The following PDE4D variants were observed in gnomAD, a reference collection of about 807,000 sequenced individuals.
PDE4D encodes the protein 3',5'-cyclic-AMP phosphodiesterase 4D.
PDE4D carries 24 observed loss-of-function variants against 87.4 expected under a neutral mutation model. The ratio of observed to expected loss-of-function variants is 0.27; its 90% confidence interval spans 0.20 to 0.39. The LOEUF (loss-of-function observed/expected upper bound fraction) is 0.39, where lower values mean the gene tolerates loss of function less well. PDE4D is among the 10% of genes least tolerant of loss of function. The probability of loss-of-function intolerance (pLI) is 1.00; values close to 1 mark genes in which losing one functional copy is unlikely to be tolerated. For synonymous variants in PDE4D, 384 were observed against 383.2 expected (o/e 1.00, Z -0.02); for missense variants, 714 against 1,041.0 (o/e 0.69, Z 4.32).
intron 5 of PDE4D, among the ~76,000 whole-genome samples, chr5:59,150,607 C>T (rs75150276): frequency 6.6e-6 from 1 of 152,176 alleles, no homozygotes; most frequent in East Asian, 1.9e-4. Flanking sequence ...ACATGGAAGA[C>T]TCTCAAAAAA....
At chr5:60,386,702 T>C (rs2150017406) in intron 1 of PDE4D, among the ~76,000 whole-genome samples, 1 of 152,272 alleles carries the variant, frequency 6.6e-6, no homozygotes, top group Non-Finnish European at 1.5e-5. Flanking sequence ...TGAATAATGA[T>C]TAAATTCGGA....
chr5:59,540,080 C>A (rs528241696), intron 1 of PDE4D, among the ~76,000 whole-genome samples: 88 of 152,202 alleles, frequency 5.8e-4, no homozygotes, highest in Non-Finnish European at 1.1e-3. Flanking sequence ...TGAGATGGAA[C>A]CAGATAATTT....
intron 5 of PDE4D, chr5:59,039,536 C>T (rs1164496475): frequency 1.0e-6 from 1 of 985,542 alleles, no homozygotes; most frequent in Non-Finnish European, 1.2e-6. Context: ...TTTCTCAACT[C>T]CTCGGGCGGC....
At chr5:59,377,301 C>T (rs538245706) in intron 1 of PDE4D, among the ~76,000 whole-genome samples, 71 of 152,020 alleles carry the variant, frequency 4.7e-4, no homozygotes, top group African/African-American at 1.6e-3. Context: ...CCTGTAGTCC[C>T]AGCTACTCAG....
chr5:59,313,044 C>T (rs1773005758), intron 1 of PDE4D, among the ~76,000 whole-genome samples: 1 of 152,124 alleles, frequency 6.6e-6, no homozygotes, highest in Non-Finnish European at 1.5e-5. Context: ...CCCAGTTGAA[C>T]CCCCATCCAA....
chr5:59,944,300 T>C (rs1005123615), intron 3 of PDE4D, among the ~76,000 whole-genome samples: 1 of 152,252 alleles, frequency 6.6e-6, no homozygotes, highest in Non-Finnish European at 1.5e-5. Context: ...TCTGATAAAA[T>C]TTTGCATTAG....
chr5:59,147,961 G>A (rs1431715631), intron 5 of PDE4D, among the ~76,000 whole-genome samples: 1 of 152,096 alleles, frequency 6.6e-6, no homozygotes, highest in Admixed American at 6.5e-5. Flanking sequence ...TATTAGGCCT[G>A]CCAGAATGTG....
chr5:60,517,427 G>T (rs1750850338), intron 1 of PDE4D, among the ~76,000 whole-genome samples: 1 of 152,254 alleles, frequency 6.6e-6, no homozygotes, highest in Non-Finnish European at 1.5e-5. Flanking sequence ...TAGTTCCACA[G>T]ACTGGAGTGA....
chr5:59,272,931 C>A (rs548531992), intron 1 of PDE4D, among the ~76,000 whole-genome samples: 1 of 152,134 alleles, frequency 6.6e-6, no homozygotes, highest in Admixed American at 6.6e-5. Flanking sequence ...TGGATTCTTG[C>A]ACAATACAAC....
intron 1 of PDE4D, chr5:59,356,819 C>G: frequency 6.4e-7 from 1 of 1,554,788 alleles, no homozygotes; most frequent in Non-Finnish European, 8.6e-7. Flanking sequence ...GGCACCGTGG[C>G]TCCCAGAGGA....
chr5:59,780,073 G>A (rs1229197510), intron 1 of PDE4D, among the ~76,000 whole-genome samples: 2 of 152,154 alleles, frequency 1.3e-5, no homozygotes. Context: ...ATTAAGAAGA[G>A]CGTCAGTGAG....
intron 2 of PDE4D, among the ~76,000 whole-genome samples, chr5:60,012,801 T>A (rs771394426): frequency 1.3e-5 from 2 of 152,190 alleles, no homozygotes; most frequent in Non-Finnish European, 2.9e-5. Context: ...CTGAATCCCA[T>A]GAAAATTTAA....
At chr5:60,521,164 A>G (rs1399755823) in intron 1 of PDE4D, 1 of 152,196 alleles carries the variant, frequency 6.6e-6, no homozygotes, top group Non-Finnish European at 1.5e-5. Context: ...CCTCCAACAG[A>G]AAAACCCATA....
At chr5:60,420,913 C>G (rs1743034356) in intron 1 of PDE4D, among the ~76,000 whole-genome samples, 1 of 152,248 alleles carries the variant, frequency 6.6e-6, no homozygotes, top group Non-Finnish European at 1.5e-5. Context: ...GTCCCACACC[C>G]ATGGAGACTT....
At chr5:60,474,687 C>T (rs1404500737) in intron 1 of PDE4D, among the ~76,000 whole-genome samples, 1 of 152,156 alleles carries the variant, frequency 6.6e-6, no homozygotes, top group Non-Finnish European at 1.5e-5. Flanking sequence ...ACTAAACATG[C>T]GAAGTCATTC....
intron 1 of PDE4D, among the ~76,000 whole-genome samples, chr5:59,874,055 T>G (rs1748195216): frequency 6.6e-6 from 1 of 151,902 alleles, no homozygotes; most frequent in Non-Finnish European, 1.5e-5. Flanking sequence ...ACAGAAAAAT[T>G]TTTTTTTAAA....
chr5:60,084,066 T>A (rs1474420422), intron 2 of PDE4D, among the ~76,000 whole-genome samples: 1 of 152,206 alleles, frequency 6.6e-6, no homozygotes, highest in Non-Finnish European at 1.5e-5. Context: ...TTGTGAAAAA[T>A]TCATGAAGAA....
chr5:59,294,560 C>A (rs1768687697), intron 1 of PDE4D, among the ~76,000 whole-genome samples: 2 of 152,160 alleles, frequency 1.3e-5, no homozygotes, highest in South Asian at 2.1e-4. Context: ...CTGGCCCTTA[C>A]TCCAGCCAAA....
chr5:60,044,343 C>A (rs529328847), intron 2 of PDE4D, among the ~76,000 whole-genome samples: 2 of 148,358 alleles, frequency 1.3e-5, no homozygotes, highest in African/African-American at 5.0e-5. Context: ...ATCTTTGACA[C>A]TTCATTTATA....
Sources: allele counts gnomAD v4.1 joint callset (sites outside exome capture counted in the v4.1 genomes callset), GRCh38; gene constraint gnomAD v4.1.1; transcripts MANE v1.5; gene names NCBI Gene and HGNC (gene_info 2026-07-23, HGNC 2026-07-21).